IL17RD: variants seen among roughly 807,000 people sequenced by gnomAD.
The protein encoded by IL17RD is interleukin-17 receptor D.
In IL17RD, 52 loss-of-function variants were observed where a neutral mutation model predicts 80.5. The observed-to-expected ratio is 0.65, with a 90% CI of 0.52 to 0.81. The LOEUF (loss-of-function observed/expected upper bound fraction) is 0.81, where lower values mean the gene tolerates loss of function less well. Among genes scored for constraint, IL17RD ranks in the 40% least tolerant of loss-of-function variants. The pLI is 0.00. For synonymous variants in IL17RD, 416 were observed against 391.8 expected (o/e 1.06, Z -0.73); for missense variants, 1,024 against 955.1 (o/e 1.07, Z -0.95).
chr3:57,147,830 A>G (rs1192011110), intron 1 of IL17RD, among the ~76,000 whole-genome samples: 6 of 152,192 alleles, frequency 3.9e-5, no homozygotes, highest in Non-Finnish European at 8.8e-5. Context: ...GCAGCTATGC[A>G]ACAAGATCTG....
In IL17RD at chr3:57,092,786, T is replaced by C. The variant is rs1157813754; in HGVS notation, c.*3607A>G. On this transcript the variant is annotated 3_prime_UTR_variant, in exon 13 of 13. Transcript: ENST00000296318. ...CTGGAGAAAGAAGCAATCTAACTAC[T>C]GGCTGCATTTAGCAAGAGCATTTTC... 6.6e-6 allele frequency: 1 copy of C among 152,202 alleles called. No individual in the cohort carries two copies. The highest frequency in any genetic ancestry group is 1.5e-5 in the Non-Finnish European group (1 of 68,034). The allele number at this position is 152,202 out of a possible 1,614,324, so 9.4% of individuals were successfully genotyped here.
At chr3:57,104,614 C>A (rs1038721343) in intron 7 of IL17RD, among the ~76,000 whole-genome samples, 3 of 152,158 alleles carry the variant, frequency 2.0e-5, no homozygotes, top group African/African-American at 7.2e-5. Flanking sequence ...AGCCCAGGAC[C>A]CTTGCCATAG....
At chr3:57,132,268 C>T (rs889058592) in intron 1 of IL17RD, among the ~76,000 whole-genome samples, 3 of 151,232 alleles carry the variant, frequency 2.0e-5, no homozygotes, top group Non-Finnish European at 2.9e-5. Context: ...GTCAGGAGTT[C>T]GAGACCAGCC....
Position 57,103,088 on chromosome 3 carries a change from T to C in IL17RD, c.868+3A>G. On this transcript the variant is annotated splice_donor_region_variant and intron_variant, in intron 9 of 12. Coordinates refer to ENST00000296318, the MANE Select transcript of IL17RD (RefSeq NM_017563.5). ...GCCAAATTTCAAACAAAAAAGCACC[T>C]ACCTGGCTTTAAGGCATAATGCATC... 1.3e-6 allele frequency: 2 copies of C among 1,592,876 alleles called. No homozygotes were observed. The highest frequency in any genetic ancestry group is 1.7e-6 in the Non-Finnish European group (2 of 1,167,964).
Position 57,098,062 on chromosome 3 carries a change from G to A in IL17RD, c.1641C>T (p.Cys547=), listed in dbSNP as rs1292339838. 18 of 1,614,012 alleles carry A rather than the reference G, an allele frequency of 1.1e-5. No individual in the cohort carries two copies. Among genetic ancestry groups the A allele is most frequent in the Non-Finnish European group, 1.4e-5 (17 of 1,179,896 alleles). The change falls in exon 12 of 13, where the codon TGC becomes TGT. Residue 547 remains cysteine, a synonymous_variant. Coordinates refer to ENST00000296318, the MANE Select transcript of IL17RD (RefSeq NM_017563.5). ...KSGRSLYVAI[C]NMHQFIDEEP... is the part of the protein sequence containing the mutation. ...CCTCGTCAATAAACTGGTGCATGTT[G>A]CAAATGGCGACGTATAGGGACCGGC...
Position 57,098,040 on chromosome 3 carries a change from C to A in IL17RD, c.1663G>T (p.Glu555Ter), listed in dbSNP as rs372347356. The A allele has an allele frequency of 5.0e-6, 8 of 1,613,854 alleles. No homozygotes were observed. Among genetic ancestry groups the A allele is most frequent in the Non-Finnish European group, 6.8e-6 (8 of 1,179,900 alleles). Reference protein sequence around the residue: ...AICNMHQFIDEEPDWFEKQFV... With the variant: ...AICNMHQFID ...TGCTTTTCGAACCAGTCGGGCTCCTCGTCAATAAACTGGTGCATGTTGCAA... is the reference window on the plus strand; with the variant it reads ...TGCTTTTCGAACCAGTCGGGCTCCTAGTCAATAAACTGGTGCATGTTGCAA... Residue 555 changes from glutamate (E) to a stop codon, truncating the protein, a stop_gained, in exon 12 of 13, where the codon GAG becomes TAG. Coordinates refer to ENST00000296318, the MANE Select transcript of IL17RD (RefSeq NM_017563.5). LOFTEE classifies it high-confidence loss of function.
chr3:57,115,875 G>T (rs2107492300), intron 2 of IL17RD, among the ~76,000 whole-genome samples: 1 of 152,202 alleles, frequency 6.6e-6, no homozygotes, highest in Middle Eastern at 3.4e-3. Context: ...CATTCCAGGG[G>T]ACTTTGTAAG....
intron 1 of IL17RD, among the ~76,000 whole-genome samples, chr3:57,135,687 T>C (rs1186186761): frequency 6.6e-6 from 1 of 152,184 alleles, no homozygotes; most frequent in Non-Finnish European, 1.5e-5. Flanking sequence ...GGGTGAAATA[T>C]GTAAGATCTA....
In IL17RD at chr3:57,097,694, G is replaced by A. The variant is rs143119752; in HGVS notation, c.2009C>T (p.Pro670Leu). ...CAGTGGCAGAGACAGCTCGGATGAG[G>A]GCACAGACGAGTCATAGATGCCTGA... ...RDSGIYDSSV[P>L]SSELSLPLME... is the part of the protein sequence containing the mutation. Residue 670 changes from proline to leucine, a missense_variant, in exon 12 of 13, where the codon CCC becomes CTC. Coordinates refer to ENST00000296318, the MANE Select transcript of IL17RD (RefSeq NM_017563.5). 8.4e-4 allele frequency: 1,355 copies of A among 1,605,802 alleles called. 2 individuals carry two copies. The highest frequency in any genetic ancestry group is 1.1e-3 in the Non-Finnish European group (1,243 of 1,176,320).
At chr3:57,154,876 T>C (rs549079918) in intron 1 of IL17RD, among the ~76,000 whole-genome samples, 1 of 152,322 alleles carries the variant, frequency 6.6e-6, no homozygotes, top group African/African-American at 2.4e-5. Flanking sequence ...AGGATTTCAT[T>C]AATTCATAGC....
chr3:57,127,330 A>G (rs1181818020), intron 1 of IL17RD, among the ~76,000 whole-genome samples: 1 of 109,422 alleles, frequency 9.1e-6, no homozygotes. Context: ...ATATATAAAT[A>G]TATATAAAAA....
rs773638699 is a variant in IL17RD at position 57,098,533 on chromosome 3, A to G, written c.1170T>C (p.Ala390=). The part of the protein sequence containing the change: ...FLQDFCGCEV[A]LDLWEDFSLC... ...GGCTGAAGTCTTCCCACAGGTCCAG[A>G]GCCACCTGGAAAGAGAACAAGGCAC... The change falls in exon 12 of 13, where the codon GCT becomes GCC. Residue 390 remains alanine, a synonymous_variant. Transcript: ENST00000296318. 6.3e-7 allele frequency: 1 copy of G among 1,589,818 alleles called. No homozygotes were observed. The highest frequency in any genetic ancestry group is 1.1e-5 in the South Asian group (1 of 87,206).
chr3:57,154,260 T>TATA (rs1312503756), intron 1 of IL17RD, among the ~76,000 whole-genome samples: 137 of 128,592 alleles, frequency 1.1e-3, no homozygotes, highest in African/African-American at 4.1e-3. Flanking sequence ...AAAAAAAAAA[T>TATA]TATATATATA....
At chr3:57,161,647 G>C (rs189401640) in intron 1 of IL17RD, among the ~76,000 whole-genome samples, 4,072 of 152,226 alleles carry the variant, frequency 0.027, 85 homozygotes, top group South Asian at 0.047. Context: ...TGCAGGAAAA[G>C]CCACTAAATA....
rs1706630434 is a variant in IL17RD at position 57,094,702 on chromosome 3, T to G, written c.*1691A>C. 6.6e-6 allele frequency: 1 copy of G among 152,210 alleles called. No individual in the cohort carries two copies. The highest frequency in any genetic ancestry group is 1.5e-5 in the Non-Finnish European group (1 of 68,054). The allele number at this position is 152,210 out of a possible 1,614,324, so 9.4% of individuals were successfully genotyped here. A position where few individuals can be genotyped will look rare whatever the true frequency, so the allele number is the denominator to read the frequency against. ...AATCTCCTTCACAGAATGCCTAGGATGAAATGGCGGGGCAGTCATGTGTGG... is the reference window on the plus strand; with the variant it reads ...AATCTCCTTCACAGAATGCCTAGGAGGAAATGGCGGGGCAGTCATGTGTGG... On this transcript the variant is annotated 3_prime_UTR_variant, in exon 13 of 13. Coordinates refer to ENST00000296318, the MANE Select transcript of IL17RD (RefSeq NM_017563.5).
intron 1 of IL17RD, among the ~76,000 whole-genome samples, chr3:57,153,911 T>C (rs1293868694): frequency 6.6e-6 from 1 of 151,732 alleles, no homozygotes; most frequent in Non-Finnish European, 1.5e-5. Context: ...GTTGGGGGGT[T>C]GGGATGGCAA....
intron 1 of IL17RD, among the ~76,000 whole-genome samples, chr3:57,137,061 A>C (rs1238259433): frequency 6.6e-6 from 1 of 152,178 alleles, no homozygotes; most frequent in East Asian, 1.9e-4. Context: ...AGGGGAAGGA[A>C]GTTTATTTCA....
At position 57,096,405 on chromosome 3, in the gene IL17RD, G is replaced by T. The variant is rs546132688; in HGVS notation, c.2208C>A (p.Val736=). The change falls in exon 13 of 13, where the codon GTC becomes GTA. Residue 736 remains valine (V), a synonymous_variant. Transcript: ENST00000296318. ...CRSYTDELHA[V]APL is the part of the protein sequence containing the mutation. Reference sequence around the variant, plus strand: ...CTCTTTCGTTTTGTTACAAAGGGGCGACCGCGTGGAGTTCATCAGTGTAGC... The same window carrying T: ...CTCTTTCGTTTTGTTACAAAGGGGCTACCGCGTGGAGTTCATCAGTGTAGC... 1.9e-6 allele frequency: 3 copies of T among 1,612,356 alleles called. No individual in the cohort carries two copies. The highest frequency in any genetic ancestry group is 4.5e-5 in the East Asian group (2 of 44,882).
rs183561085 is a variant in IL17RD at position 57,094,298 on chromosome 3, G to A, written c.*2095C>T. On this transcript the variant is annotated 3_prime_UTR_variant, in exon 13 of 13. Transcript: ENST00000296318. ...CAATCACACTATGGTTTCATTACTC[G>A]GTATATTAAGAGTTTGATTTTATTG... The A allele has an allele frequency of 3.3e-5, 5 of 152,088 alleles. No homozygotes were observed. In the East Asian group the frequency reaches 9.7e-4, roughly 29 times the overall value. The allele number at this position is 152,088 out of a possible 1,614,324, so 9.4% of individuals were successfully genotyped here.
Sources: allele counts gnomAD v4.1 joint callset (sites outside exome capture counted in the v4.1 genomes callset), GRCh38; gene constraint gnomAD v4.1.1; transcripts MANE v1.5; gene names NCBI Gene and HGNC (gene_info 2026-07-23, HGNC 2026-07-21).